SAMD12: variants seen among roughly 807,000 people sequenced by gnomAD.
SAMD12 encodes sterile alpha motif domain-containing protein 12.
In SAMD12, 9 loss-of-function variants were observed where a neutral mutation model predicts 15.0. The ratio of observed to expected loss-of-function variants is 0.60; its 90% CI spans 0.36 to 1.05. The LOEUF (loss-of-function observed/expected upper bound fraction) is 1.05. SAMD12 is among the 50% of genes least tolerant of loss of function. The pLI, the probability that SAMD12 is intolerant of heterozygous loss-of-function variation, is 0.01. For synonymous variants in SAMD12, 86 were observed against 90.1 expected, an observed-to-expected ratio of 0.96 and a Z score of 0.25; for missense variants, 230 against 234.2, an observed-to-expected ratio of 0.98 and a Z score of 0.12.
chr8:118,548,866 C>T (rs938156573), intron 2 of SAMD12, among the ~76,000 whole-genome samples: 9 of 152,332 alleles, frequency 5.9e-5, no homozygotes, highest in Non-Finnish European at 1.0e-4. Flanking sequence ...TGGTGCACCA[C>T]GAGATTATAT....
chr8:118,448,493 C>CAAATG (rs1346964908), intron 2 of SAMD12, among the ~76,000 whole-genome samples: 14 of 152,200 alleles, frequency 9.2e-5, no homozygotes, highest in Non-Finnish European at 2.1e-4. Flanking sequence ...ATCTGTTGAA[C>CAAATG]AAATGAAAGA....
At chr8:118,536,483 C>CACAT (rs1360675480) in intron 2 of SAMD12, among the ~76,000 whole-genome samples, 152 of 150,418 alleles carry the variant, frequency 1.0e-3, no homozygotes, top group African/African-American at 3.2e-3. Flanking sequence ...CACACACACA[C>CACAT]ATAAATGGAT....
intron 2 of SAMD12, among the ~76,000 whole-genome samples, chr8:118,549,777 T>C (rs527639968): frequency 2.7e-4 from 41 of 152,226 alleles, no homozygotes; most frequent in African/African-American, 9.4e-4. Flanking sequence ...TTAAAAACTT[T>C]GAAAAAAATT....
rs184022502 is a variant in SAMD12 at position 118,357,815 on chromosome 8, G to A, written c.433+21745C>T. On this transcript the variant is annotated intron_variant, in intron 4 of 4. Transcript: ENST00000409003. ...GCCACATGACTCTCTCTTGGGCTCT[G>A]TGATTCAACCTGTGGCCTTCATTCA... Among the ~76,000 whole-genome samples, 44 of 152,248 alleles carry A rather than the reference G, an allele frequency of 2.9e-4. No individual in the cohort carries two copies. The East Asian group carries it at 7.9e-3, about 27-fold the overall frequency.
At chr8:118,472,253 C>G (rs1280740397) in intron 2 of SAMD12, among the ~76,000 whole-genome samples, 8 of 151,168 alleles carry the variant, frequency 5.3e-5, no homozygotes, top group Admixed American at 4.6e-4. Context: ...TGCCACTGCA[C>G]TCCAGCCCGG....
At chr8:118,454,121 A>G (rs947566255) in intron 2 of SAMD12, among the ~76,000 whole-genome samples, 1 of 152,190 alleles carries the variant, frequency 6.6e-6, no homozygotes, top group Non-Finnish European at 1.5e-5. Flanking sequence ...ATTCATAAGC[A>G]ACTTCCTAAG....
intron 4 of SAMD12, among the ~76,000 whole-genome samples, chr8:118,213,187 C>T (rs1294976970): frequency 6.6e-6 from 1 of 152,166 alleles, no homozygotes; most frequent in Non-Finnish European, 1.5e-5. Context: ...AGCCTTTCTC[C>T]CTACCTCTCA....
chr8:118,299,546 G>T (rs897071924), intron 4 of SAMD12, among the ~76,000 whole-genome samples: 1 of 152,186 alleles, frequency 6.6e-6, no homozygotes, highest in Admixed American at 6.5e-5. Context: ...ACAAGGTAAG[G>T]GGGGAATAGA....
intron 2 of SAMD12, among the ~76,000 whole-genome samples, chr8:118,550,179 G>T (rs1423581333): frequency 6.6e-6 from 1 of 151,998 alleles, no homozygotes. Flanking sequence ...CACAGAGAAC[G>T]CCACAAAGAT....
At chr8:118,381,953 A>G (rs1030437331) in intron 3 of SAMD12, among the ~76,000 whole-genome samples, 1 of 152,218 alleles carries the variant, frequency 6.6e-6, no homozygotes, top group Non-Finnish European at 1.5e-5. Context: ...GGTAAAAAGT[A>G]GAGGAATGCT....
chr8:118,292,349 G>GACACACACAGACAC (rs1554624055), intron 4 of SAMD12, among the ~76,000 whole-genome samples: 4 of 137,624 alleles, frequency 2.9e-5, no homozygotes, highest in African/African-American at 8.3e-5. Context: ...CAAACACACA[G>GACACACACAGACAC]ACACACACAC....
intron 2 of SAMD12, among the ~76,000 whole-genome samples, chr8:118,529,117 T>C (rs1387551968): frequency 6.6e-6 from 1 of 152,166 alleles, no homozygotes; most frequent in Non-Finnish European, 1.5e-5. Flanking sequence ...GGGCTGCCCA[T>C]ATGTCACAGC....
chr8:118,332,824 C>T (rs1816867683), intron 4 of SAMD12, among the ~76,000 whole-genome samples: 1 of 152,228 alleles, frequency 6.6e-6, no homozygotes, highest in Non-Finnish European at 1.5e-5. Flanking sequence ...TTTCTTGAAT[C>T]TCACCACCAT....
intron 4 of SAMD12, among the ~76,000 whole-genome samples, chr8:118,339,768 G>T (rs1817259297): frequency 2.0e-5 from 3 of 152,336 alleles, no homozygotes; most frequent in Middle Eastern, 6.8e-3. Context: ...AACACTGAGA[G>T]GCTGTCTCTT....
At chr8:118,395,695 A>G (rs1820521990) in intron 3 of SAMD12, among the ~76,000 whole-genome samples, 1 of 152,182 alleles carries the variant, frequency 6.6e-6, no homozygotes, top group South Asian at 2.1e-4. Context: ...GCGGTGGCTC[A>G]TGCCTGTAAT....
At chr8:118,140,679 C>T in the SAMD12 span, among the ~76,000 whole-genome samples, 3 of 152,136 alleles carry the variant, frequency 2.0e-5, no homozygotes, top group African/African-American at 7.2e-5. Flanking sequence ...AACTGGCACT[C>T]CACAACTATT....
chr8:118,244,839 G>C (rs1812650391), intron 4 of SAMD12, among the ~76,000 whole-genome samples: 1 of 152,114 alleles, frequency 6.6e-6, no homozygotes, highest in South Asian at 2.1e-4. Context: ...GAAACCAAAA[G>C]AAGGCATAAA....
chr8:118,427,795 G>A (rs10955881), intron 3 of SAMD12, among the ~76,000 whole-genome samples: 81,339 of 151,630 alleles, frequency 0.54, 24,189 homozygotes, highest in Non-Finnish European at 0.65. Context: ...TAGATACCTT[G>A]GAGTGGAACT....
intron 1 of SAMD12, among the ~76,000 whole-genome samples, chr8:118,611,119 C>A (rs1299962749): frequency 6.6e-6 from 1 of 152,096 alleles, no homozygotes; most frequent in East Asian, 1.9e-4. Context: ...GCTTACCCAC[C>A]CTATTATCTA....
Sources: gnomAD v4.1 joint callset for allele counts (sites outside exome capture counted in the v4.1 genomes callset) on GRCh38, gnomAD v4.1.1 for gene constraint, MANE v1.5 for transcripts, NCBI Gene and HGNC (gene_info 2026-07-23, HGNC 2026-07-21) for gene names.